ERC2: variants seen among roughly 807,000 people sequenced by gnomAD.
The protein encoded by ERC2 is ERC protein 2.
In ERC2, 42 loss-of-function variants were observed where a neutral mutation model predicts 114.8. The ratio of observed to expected loss-of-function variants is 0.37; its 90% CI spans 0.29 to 0.47. The LOEUF is 0.47. Ranked by LOEUF, ERC2 falls within the 20% of genes least tolerant of loss-of-function variation. The pLI is 0.99. For synonymous variants in ERC2, 454 were observed against 425.5 expected (o/e 1.07, Z -0.82); for missense variants, 939 against 1,150.7 (o/e 0.82, Z 2.66).
chr3:55,755,177 C>G (rs912485745), intron 14 of ERC2, among the ~76,000 whole-genome samples: 2 of 151,660 alleles, frequency 1.3e-5, no homozygotes, highest in South Asian at 4.2e-4. Context: ...CTCTCTTATC[C>G]CAAATTTGAA....
Position 56,434,777 on chromosome 3 carries a change from C to G in ERC2, c.231G>C (p.Lys77Asn). The G allele has an allele frequency of 6.2e-7, 1 of 1,613,968 alleles. No homozygotes were observed. Among genetic ancestry groups the G allele is most frequent in the Non-Finnish European group, 8.5e-7 (1 of 1,179,904 alleles). Residue 77 changes from lysine to asparagine, a missense_variant, in exon 2 of 18, where the codon AAG becomes AAC. Physicochemically the swap from Lys to Asn is moderately conservative, Grantham distance 94 (BLOSUM62 0). Coordinates refer to ENST00000288221, the MANE Select transcript of ERC2 (RefSeq NM_015576.3). Reference sequence around the variant, plus strand: ...TAGCCCTTCCCAGAGTCATAGTGCCCTTTGGGTAGGTTGTTGAAGCCACCC... The same window carrying G: ...TAGCCCTTCCCAGAGTCATAGTGCCGTTTGGGTAGGTTGTTGAAGCCACCC... ...HEGVASTTYP[K>N]GTMTLGRATN...
At chr3:55,710,586 C>A (rs1000557806) in intron 15 of ERC2, among the ~76,000 whole-genome samples, 3 of 151,984 alleles carry the variant, frequency 2.0e-5, no homozygotes, top group Non-Finnish European at 2.9e-5. Flanking sequence ...ATCCAAAAAG[C>A]CTGGTTGTCT....
At chr3:55,993,332 C>G (rs2071226861) in intron 10 of ERC2, among the ~76,000 whole-genome samples, 1 of 152,086 alleles carries the variant, frequency 6.6e-6, no homozygotes, top group Admixed American at 6.5e-5. Context: ...TGCTGTCTTG[C>G]TACATGGAGC....
chr3:55,737,105 C>A (rs1393420730), intron 14 of ERC2, among the ~76,000 whole-genome samples: 1 of 152,186 alleles, frequency 6.6e-6, no homozygotes, highest in Non-Finnish European at 1.5e-5. Flanking sequence ...ATCTCCATCA[C>A]CAGACCAGGC....
rs189069522 is a variant in ERC2 at position 55,567,789 on chromosome 3, C to T, written c.*40-56513G>A. On this transcript the variant is annotated intron_variant, in intron 17 of 17. Coordinates refer to ENST00000288221, the MANE Select transcript of ERC2 (RefSeq NM_015576.3). Reference sequence around the variant, plus strand: ...CCTGATCAGGGCTTTAGAGTCATCACCCATGAAGCCAGGGGGAGGGATGAG... The same window carrying T: ...CCTGATCAGGGCTTTAGAGTCATCATCCATGAAGCCAGGGGGAGGGATGAG... 3.3e-3 allele frequency among the ~76,000 whole-genome samples: 503 copies of T among 152,176 alleles called. 5 individuals are homozygous for T. Among genetic ancestry groups the T allele is most frequent in the Non-Finnish European group, 5.3e-3 (363 of 68,008 alleles).
chr3:55,551,623 A>G (rs1362796874), intron 17 of ERC2, among the ~76,000 whole-genome samples: 4 of 152,218 alleles, frequency 2.6e-5, no homozygotes, highest in Non-Finnish European at 5.9e-5. Flanking sequence ...GGCAGGCTGA[A>G]GACCCAGGGA....
intron 4 of ERC2, among the ~76,000 whole-genome samples, chr3:56,150,819 T>C (rs1283123372): frequency 2.6e-5 from 4 of 152,084 alleles, no homozygotes; most frequent in African/African-American, 9.7e-5. Context: ...GAAATATATA[T>C]GTTGAAGCTC....
chr3:56,406,847 A>G (rs1213081881), intron 2 of ERC2, among the ~76,000 whole-genome samples: 3 of 152,258 alleles, frequency 2.0e-5, no homozygotes, highest in Non-Finnish European at 4.4e-5. Context: ...TAGAAGTCAG[A>G]AAGTTGCAGA....
At chr3:55,543,103 G>A (rs1019869527) in intron 17 of ERC2, among the ~76,000 whole-genome samples, 4 of 152,080 alleles carry the variant, frequency 2.6e-5, no homozygotes, top group South Asian at 2.1e-4. Flanking sequence ...TCCTGCACCC[G>A]CTGTGTTTAA....
chr3:56,262,808 G>A (rs773302566), intron 3 of ERC2, among the ~76,000 whole-genome samples: 6 of 152,124 alleles, frequency 3.9e-5, no homozygotes, highest in Non-Finnish European at 8.8e-5. Context: ...GTATCAATTG[G>A]TTCCAACATG....
intron 2 of ERC2, among the ~76,000 whole-genome samples, chr3:56,338,286 A>G: frequency 6.6e-6 from 1 of 152,160 alleles, no homozygotes; most frequent in South Asian, 2.1e-4. Context: ...TATACTTCCT[A>G]TATCTGTGTG....
At chr3:56,253,859 G>A (rs959108940) in intron 3 of ERC2, among the ~76,000 whole-genome samples, 1 of 152,104 alleles carries the variant, frequency 6.6e-6, no homozygotes, top group Admixed American at 6.6e-5. Context: ...AGTTATAATC[G>A]CACCACTGCA....
intron 3 of ERC2, among the ~76,000 whole-genome samples, chr3:56,234,245 T>C (rs1342909552): frequency 1.3e-5 from 2 of 152,232 alleles, no homozygotes; most frequent in African/African-American, 4.8e-5. Flanking sequence ...TTTCTTGAAA[T>C]GATTTCTCAG....
At chr3:55,515,911 G>C (rs866757048) in intron 17 of ERC2, among the ~76,000 whole-genome samples, 1 of 152,118 alleles carries the variant, frequency 6.6e-6, no homozygotes, top group Admixed American at 6.5e-5. Context: ...AGGGGTCTTT[G>C]GTAAACACGG....
chr3:56,094,964 C>G (rs1292889656), intron 6 of ERC2, among the ~76,000 whole-genome samples: 2 of 152,136 alleles, frequency 1.3e-5, no homozygotes. Flanking sequence ...AGTGCTAAAA[C>G]AGATGGGGTT....
At chr3:55,651,038 T>TG (rs397989690) in intron 17 of ERC2, among the ~76,000 whole-genome samples, 2,251 of 117,548 alleles carry the variant, frequency 0.019, 19 homozygotes, top group Middle Eastern at 0.058. Flanking sequence ...TTTTTTTTTT[T>TG]GTAGTAGACA....
chr3:55,927,735 A>G (rs571174888), intron 13 of ERC2, among the ~76,000 whole-genome samples: 16 of 151,440 alleles, frequency 1.1e-4, no homozygotes, highest in African/African-American at 3.1e-4. Context: ...AACCATCCCC[A>G]CTCCCCGACT....
At chr3:56,346,175 G>C (rs1039806388) in intron 2 of ERC2, among the ~76,000 whole-genome samples, 4 of 151,924 alleles carry the variant, frequency 2.6e-5, no homozygotes, top group African/African-American at 9.7e-5. Context: ...TGAATAAAAA[G>C]GACACGCTAT....
intron 2 of ERC2, among the ~76,000 whole-genome samples, chr3:56,307,615 T>G (rs1465126763): frequency 6.6e-6 from 1 of 152,196 alleles, no homozygotes; most frequent in Non-Finnish European, 1.5e-5. Context: ...GCCAAGACCA[T>G]TAACCTGGTG....
Sources: allele counts gnomAD v4.1 joint callset (sites outside exome capture counted in the v4.1 genomes callset), GRCh38; gene constraint gnomAD v4.1.1; transcripts MANE v1.5; gene names NCBI Gene and HGNC (gene_info 2026-07-23, HGNC 2026-07-21).